The following CLIC2 variants were observed in gnomAD, a reference collection of about 807,000 sequenced individuals.
CLIC2 encodes chloride intracellular channel protein 2.
CLIC2 carries 9 observed loss-of-function variants against 14.8 expected under a neutral mutation model. That is an observed-to-expected ratio of 0.61 (90% CI 0.37 to 1.06). CLIC2 has a LOEUF of 1.06. Among genes scored for constraint, CLIC2 ranks in the 50% least tolerant of loss-of-function variants. The probability of loss-of-function intolerance (pLI) is 0.01; values close to 1 mark genes in which losing one functional copy is unlikely to be tolerated. For synonymous variants in CLIC2, 61 were observed against 66.3 expected, an observed-to-expected ratio of 0.92 and a Z score of 0.39; for missense variants, 148 against 181.4, an observed-to-expected ratio of 0.82 and a Z score of 1.06.
chrX:155,324,794 T>A (rs782497382), intron 1 of CLIC2, among the ~76,000 whole-genome samples: 1 of 111,851 alleles, frequency 8.9e-6, no homozygotes, highest in Admixed American at 9.5e-5. Flanking sequence ...AGCTTCTGCA[T>A]GGCAAAAGAA....
intron 1 of CLIC2, among the ~76,000 whole-genome samples, chrX:155,305,163 G>A (rs1219640879): frequency 1.8e-5 from 2 of 112,157 alleles, no homozygotes; most frequent in African/African-American, 3.2e-5. Context: ...GCAATGGCGG[G>A]CGCCCCTCCC....
intron 3 of CLIC2, among the ~76,000 whole-genome samples, chrX:155,298,582 C>T (rs1256662791): frequency 8.9e-6 from 1 of 112,190 alleles, no homozygotes; most frequent in Non-Finnish European, 1.9e-5. Context: ...GTATGTTATG[C>T]AGCTTTTAAA....
chrX:155,334,451 A>AGCCTCCT lies in CLIC2; in HGVS notation c.-31_-25dup. 8.5e-7 allele frequency: 1 copy of AGCCTCCT among 1,173,921 alleles called. No homozygotes were observed. Among genetic ancestry groups the AGCCTCCT allele is most frequent in the Non-Finnish European group, 1.2e-6 (1 of 861,244 alleles). On this transcript the variant is annotated 5_prime_UTR_variant, in exon 1 of 6. Transcript: ENST00000369449. ...ATCTTTGTCTTTACTGCCAGTTGTC[A>AGCCTCCT]GCCTCCTGCCTCCTGTAGAGTCCAC...
At chrX:155,280,990 G>GAT (rs373277985) in intron 3 of CLIC2, among the ~76,000 whole-genome samples, 8,123 of 89,654 alleles carry the variant, frequency 0.091, 361 homozygotes, top group African/African-American at 0.15. Flanking sequence ...GAAATTGTGA[G>GAT]ATATATATAT....
intron 1 of CLIC2, chrX:155,309,594 CT>C: frequency 3.6e-6 from 1 of 279,080 alleles, no homozygotes; most frequent in Non-Finnish European, 6.7e-6. Context: ...CTGGGAAGGC[CT>C]CACAATCATG....
At chrX:155,334,342 CA>C in intron 1 of CLIC2, 28 bp downstream of exon 1, 1 of 1,125,103 alleles carries the variant, frequency 8.9e-7, no homozygotes, top group Non-Finnish European at 1.2e-6. Flanking sequence ...ATATATTCTA[CA>C]TGCAGTTATT....
intron 1 of CLIC2, among the ~76,000 whole-genome samples, chrX:155,314,477 G>A (rs1456141955): frequency 1.8e-5 from 2 of 111,942 alleles, no homozygotes; most frequent in African/African-American, 6.5e-5. Flanking sequence ...ACCTAGAAGA[G>A]CAAAAACAAT....
intron 1 of CLIC2, among the ~76,000 whole-genome samples, chrX:155,300,990 A>G (rs2075015301): frequency 1.8e-5 from 1 of 55,637 alleles, no homozygotes; most frequent in Admixed American, 2.0e-4. Context: ...GCCTTGTAGT[A>G]TAGTTTGAAG....
chrX:155,293,571 C>A (rs1188807682), intron 3 of CLIC2: 1 of 433,907 alleles, frequency 2.3e-6, no homozygotes, highest in Non-Finnish European at 4.0e-6. Context: ...AATAAGTCTT[C>A]ACATGTAAAC....
intron 1 of CLIC2, chrX:155,310,457 C>T (rs1344536107): frequency 1.5e-5 from 4 of 273,506 alleles, no homozygotes; most frequent in Non-Finnish European, 2.9e-5. Context: ...CATCCTGACA[C>T]TTGCATTTGC....
At chrX:155,309,555 A>T in intron 1 of CLIC2, 2 of 286,279 alleles carry the variant, frequency 7.0e-6, no homozygotes, top group Non-Finnish European at 1.3e-5. Flanking sequence ...AAATAAAAAG[A>T]GGTTTAATGG....
intron 1 of CLIC2, among the ~76,000 whole-genome samples, chrX:155,311,556 T>A (rs1156390507): frequency 2.7e-5 from 3 of 112,111 alleles, no homozygotes; most frequent in African/African-American, 9.7e-5. Flanking sequence ...CATTTTTCTG[T>A]CTTCTTCTGA....
chrX:155,324,651 C>T (rs1181144001), intron 1 of CLIC2, among the ~76,000 whole-genome samples: 6 of 111,425 alleles, frequency 5.4e-5, no homozygotes, highest in African/African-American at 2.0e-4. Flanking sequence ...GACCTAAAAC[C>T]ATAAAAACCC....
At chrX:155,315,485 A>G (rs2075091713) in intron 1 of CLIC2, among the ~76,000 whole-genome samples, 1 of 111,981 alleles carries the variant, frequency 8.9e-6, no homozygotes, top group African/African-American at 3.2e-5. Context: ...ATTATCACCC[A>G]AGAATTTTGT....
intron 1 of CLIC2, among the ~76,000 whole-genome samples, chrX:155,315,098 A>G (rs141442957): frequency 2.1e-4 from 24 of 112,117 alleles, no homozygotes; most frequent in African/African-American, 7.8e-4. Flanking sequence ...AAGCCTCCAA[A>G]AAGCTTGGAA....
intron 1 of CLIC2, among the ~76,000 whole-genome samples, 170 bp from the exon 2 acceptor site, chrX:155,299,315 G>A (rs782328246): frequency 2.1e-4 from 23 of 110,574 alleles, no homozygotes; most frequent in African/African-American, 7.2e-4. Context: ...CTCATTATAT[G>A]TAAAGTTACA....
At chrX:155,281,688 T>C (rs1184849562) in intron 3 of CLIC2, among the ~76,000 whole-genome samples, 12 of 111,161 alleles carry the variant, frequency 1.1e-4, no homozygotes, top group Non-Finnish European at 1.9e-4. Context: ...CCAAAGCCTA[T>C]ATTACTGTAA....
chrX:155,325,761 GATATATATATATATAT>G (rs60334475), intron 1 of CLIC2, among the ~76,000 whole-genome samples: 755 of 32,877 alleles, frequency 0.023, 19 homozygotes, highest in East Asian at 0.13. Flanking sequence ...AAGAAAATGT[GATATATATATATATAT>G]ATATATATAT....
At chrX:155,292,764 C>T (rs1277684701) in intron 3 of CLIC2, 27 of 410,809 alleles carry the variant, frequency 6.6e-5, no homozygotes, top group East Asian at 1.7e-4. Context: ...AGCGAGACTC[C>T]GTCTCAAAAC....
Sources: gnomAD v4.1 joint callset for allele counts (sites outside exome capture counted in the v4.1 genomes callset) on GRCh38, gnomAD v4.1.1 for gene constraint, MANE v1.5 for transcripts, NCBI Gene and HGNC (gene_info 2026-07-23, HGNC 2026-07-21) for gene names.